ERGIC1: variants seen among roughly 807,000 people sequenced by gnomAD.
The protein encoded by ERGIC1 is endoplasmic reticulum-Golgi intermediate compartment protein 1.
A neutral mutation model predicts 38.3 loss-of-function variants in ERGIC1; 19 were observed. The ratio of observed to expected loss-of-function variants is 0.50; its 90% confidence interval spans 0.35 to 0.73. ERGIC1 has a LOEUF of 0.73. Among genes scored for constraint, ERGIC1 ranks in the 30% least tolerant of loss-of-function variants. ERGIC1 has a pLI of 0.01. For missense variants in ERGIC1, 294 were observed against 389.2 expected, an observed-to-expected ratio of 0.76 and a Z score of 2.06; for synonymous variants, 124 against 157.6, an observed-to-expected ratio of 0.79 and a Z score of 1.60.
chr5:172,875,006 G>C lies in ERGIC1; in HGVS notation c.21-13693G>C, dbSNP rs1179390628. ...AGATGACATTTGAAAATAGACTTAA[G>C]TAAGGGAGCAAGCCATACAGAGATG... On this transcript the variant is annotated intron_variant, in intron 1 of 9. Coordinates refer to ENST00000393784, the MANE Select transcript of ERGIC1 (RefSeq NM_001031711.3). 3.3e-5 allele frequency among the ~76,000 whole-genome samples: 5 copies of C among 151,940 alleles called. No homozygotes were observed. The East Asian group carries it at 9.6e-4, about 29-fold the overall frequency.
chr5:172,860,341 A>G (rs1761664813), intron 1 of ERGIC1, among the ~76,000 whole-genome samples: 1 of 152,252 alleles, frequency 6.6e-6, no homozygotes, highest in Non-Finnish European at 1.5e-5. Context: ...TGCCTGCACC[A>G]TTCTGCCCCC....
At chr5:172,843,016 C>T (rs1427882328) in intron 1 of ERGIC1, among the ~76,000 whole-genome samples, 6 of 152,096 alleles carry the variant, frequency 3.9e-5, no homozygotes, top group African/African-American at 7.2e-5. Flanking sequence ...TGGTGGTATG[C>T]GCCTGTAGTC....
chr5:172,874,655 G>A (rs1006701753), intron 1 of ERGIC1, among the ~76,000 whole-genome samples: 2 of 151,562 alleles, frequency 1.3e-5, no homozygotes, highest in Non-Finnish European at 2.9e-5. Flanking sequence ...GAGGCTGGGC[G>A]TGGTGGCTCA....
At chr5:172,867,133 A>G (rs972885024) in intron 1 of ERGIC1, 3 of 449,964 alleles carry the variant, frequency 6.7e-6, no homozygotes, top group African/African-American at 6.0e-5. Context: ...CTGCAAGCCA[A>G]GGGTTTGAGT....
chr5:172,888,868 G>A, intron 2 of ERGIC1, 108 bp downstream of exon 2: 7 of 1,090,828 alleles, frequency 6.4e-6, no homozygotes, highest in South Asian at 6.3e-5. Flanking sequence ...AAGACAGGAG[G>A]GAGGAAAGAA....
At chr5:172,928,772 C>G (rs1763712609) in intron 7 of ERGIC1, among the ~76,000 whole-genome samples, 1 of 152,072 alleles carries the variant, frequency 6.6e-6, no homozygotes, top group South Asian at 2.1e-4. Context: ...CAGTGTCCCC[C>G]TCCACTCTTT....
rs139774625 is a variant in ERGIC1, at chr5:172,902,733, G to A, written c.155+5659G>A. On this transcript the variant is annotated intron_variant, in intron 3 of 9. Transcript: ENST00000393784. ...TTTGAAACTCAAGGCTCCGGAGCACGTGCTTGCAGAATCTCCATCCCTCCC... is the reference window on the plus strand; with the variant it reads ...TTTGAAACTCAAGGCTCCGGAGCACATGCTTGCAGAATCTCCATCCCTCCC... Among the ~76,000 whole-genome samples the A allele has an allele frequency of 6.5e-4, 99 of 152,242 alleles. No homozygotes were observed. In the East Asian group the frequency reaches 0.018, roughly 27 times the overall value.
At chr5:172,855,267 T>C (rs1761516969) in intron 1 of ERGIC1, among the ~76,000 whole-genome samples, 1 of 152,114 alleles carries the variant, frequency 6.6e-6, no homozygotes, top group Non-Finnish European at 1.5e-5. Flanking sequence ...CTACCTGTCT[T>C]CCATACCTGA....
chr5:172,883,944 G>A (rs769852222), intron 1 of ERGIC1, among the ~76,000 whole-genome samples: 6 of 152,142 alleles, frequency 3.9e-5, no homozygotes, highest in Non-Finnish European at 7.3e-5. Flanking sequence ...TCACATCACT[G>A]CACTCCAGCC....
chr5:172,862,047 A>G (rs1761715313), intron 1 of ERGIC1, among the ~76,000 whole-genome samples: 3 of 151,862 alleles, frequency 2.0e-5, no homozygotes, highest in South Asian at 4.2e-4. Flanking sequence ...GCTAGAGTGC[A>G]ATGGCATGAT....
intron 2 of ERGIC1, among the ~76,000 whole-genome samples, chr5:172,891,266 C>G (rs1483112981): frequency 6.6e-6 from 1 of 152,124 alleles, no homozygotes; most frequent in Non-Finnish European, 1.5e-5. Context: ...AGGAAAGAGC[C>G]TTGGTAGTTT....
At chr5:172,841,704 A>G (rs941542662) in intron 1 of ERGIC1, among the ~76,000 whole-genome samples, 13 of 152,184 alleles carry the variant, frequency 8.5e-5, no homozygotes, top group Non-Finnish European at 4.4e-5. Flanking sequence ...GGAGGAGGAG[A>G]AGTAATGCTC....
At chr5:172,924,633 GC>G (rs1204419470) in intron 6 of ERGIC1, among the ~76,000 whole-genome samples, 1 of 152,158 alleles carries the variant, frequency 6.6e-6, no homozygotes, top group Admixed American at 6.5e-5. Flanking sequence ...TGAGGGAAGG[GC>G]CCAGACCGAG....
chr5:172,942,839 C>T (rs1669565252), intron 9 of ERGIC1, among the ~76,000 whole-genome samples: 1 of 152,206 alleles, frequency 6.6e-6, no homozygotes, highest in Non-Finnish European at 1.5e-5. Context: ...AGTTGCAGAG[C>T]TTCTGACTTC....
At chr5:172,847,273 T>C (rs1350343159) in intron 1 of ERGIC1, among the ~76,000 whole-genome samples, 1 of 152,158 alleles carries the variant, frequency 6.6e-6, no homozygotes, top group African/African-American at 2.4e-5. Context: ...CCATCACTTC[T>C]GCTCACACTC....
chr5:172,949,689 G>A (rs1355224014), intron 9 of ERGIC1, among the ~76,000 whole-genome samples: 1 of 151,676 alleles, frequency 6.6e-6, no homozygotes, highest in African/African-American at 2.4e-5. Context: ...CCTGGGTAGA[G>A]GCCAGGGATG....
In ERGIC1 at chr5:172,952,653, T is replaced by C. The variant is rs1482597495; in HGVS notation, c.*1837T>C. On this transcript the variant is annotated 3_prime_UTR_variant, in exon 10 of 10. Transcript: ENST00000393784. ...TTAGTTCTTTCCCCACTCGTTGGGT[T>C]CAACTAGATTAAAAGGCTGATTTTC... 1.3e-5 allele frequency: 2 copies of C among 152,158 alleles called. No individual in the cohort carries two copies. The highest frequency in any genetic ancestry group is 6.5e-5 in the Admixed American group (1 of 15,280). 9.4% of individuals were successfully genotyped at this position (152,158 alleles called of 1,614,324 possible). A position where few individuals can be genotyped will look rare whatever the true frequency, so the allele number is the denominator to read the frequency against.
chr5:172,935,377 C>T, intron 9 of ERGIC1, 67 bp downstream of exon 9: 1 of 1,603,566 alleles, frequency 6.2e-7, no homozygotes. Context: ...GGGCCCCTTT[C>T]CTTGGCACCC....
intron 1 of ERGIC1, among the ~76,000 whole-genome samples, chr5:172,879,952 A>C (rs9637856): frequency 0.087 from 13,195 of 152,280 alleles, 600 homozygotes; most frequent in East Asian, 0.13. Context: ...GTCCACTGAG[A>C]GGCAAAACCT....
Sources: gnomAD v4.1 joint callset for allele counts (sites outside exome capture counted in the v4.1 genomes callset) on GRCh38, gnomAD v4.1.1 for gene constraint, MANE v1.5 for transcripts, NCBI Gene and HGNC (gene_info 2026-07-23, HGNC 2026-07-21) for gene names.